SKAP1: variants seen among roughly 807,000 people sequenced by gnomAD.
The protein encoded by SKAP1 is src kinase associated phosphoprotein 1.
SKAP1 carries 44 observed loss-of-function variants against 58.5 expected under a neutral mutation model. That is an observed-to-expected ratio of 0.75 (90% confidence interval 0.59 to 0.97). SKAP1 has a LOEUF of 0.97. Among genes scored for constraint, SKAP1 ranks in the 50% least tolerant of loss-of-function variants. SKAP1 has a pLI of 0.00. For synonymous variants in SKAP1, 127 were observed against 149.7 expected (o/e 0.85, Z 1.11); for missense variants, 390 against 435.2 (o/e 0.90, Z 0.92).
intron 9 of SKAP1, among the ~76,000 whole-genome samples, chr17:48,173,299 T>G (rs1474172534): frequency 6.6e-6 from 1 of 152,148 alleles, no homozygotes; most frequent in Non-Finnish European, 1.5e-5. Flanking sequence ...CCATGTATGA[T>G]CTAGCAGCAG....
intron 11 of SKAP1, among the ~76,000 whole-genome samples, chr17:48,151,477 A>C (rs1471294464): frequency 6.6e-6 from 1 of 152,238 alleles, no homozygotes; most frequent in Non-Finnish European, 1.5e-5. Context: ...AAAAGAAGAC[A>C]CAGTTCAGAG....
chr17:48,391,629 T>C (rs2067346288), intron 2 of SKAP1, among the ~76,000 whole-genome samples: 1 of 152,114 alleles, frequency 6.6e-6, no homozygotes, highest in Non-Finnish European at 1.5e-5. Flanking sequence ...TTGTTGTGGG[T>C]TTGTTTTTTC....
intron 2 of SKAP1, among the ~76,000 whole-genome samples, chr17:48,386,326 G>GTTTT (rs1567893783): frequency 4.6e-4 from 62 of 133,602 alleles, no homozygotes; most frequent in African/African-American, 6.6e-4. Context: ...TTTTTTTTTG[G>GTTTT]TGACTATAAG....
chr17:48,417,059 A>G (rs2067740057), intron 1 of SKAP1, among the ~76,000 whole-genome samples: 1 of 152,250 alleles, frequency 6.6e-6, no homozygotes. Flanking sequence ...TCATTAAGGC[A>G]TATACTTTTT....
upstream of SKAP1, among the ~76,000 whole-genome samples, chr17:48,434,802 G>A (rs1283147112): frequency 2.0e-5 from 3 of 152,110 alleles, no homozygotes; most frequent in Admixed American, 6.6e-5. Flanking sequence ...TACAGCCTAG[G>A]GATCACTGAG....
At chr17:48,176,412 T>C (rs2064290251) in intron 9 of SKAP1, among the ~76,000 whole-genome samples, 2 of 152,232 alleles carry the variant, frequency 1.3e-5, no homozygotes, top group African/African-American at 2.4e-5. Flanking sequence ...TCTTGAATCA[T>C]GGAGCTGGGC....
chr17:48,155,505 A>T (rs2063964046), intron 11 of SKAP1, among the ~76,000 whole-genome samples: 1 of 152,142 alleles, frequency 6.6e-6, no homozygotes, highest in Non-Finnish European at 1.5e-5. Flanking sequence ...GAAAGCTAGG[A>T]CTTGTGACTT....
At chr17:48,277,321 T>A (rs1236844327) in intron 4 of SKAP1, among the ~76,000 whole-genome samples, 1 of 152,214 alleles carries the variant, frequency 6.6e-6, no homozygotes, top group Non-Finnish European at 1.5e-5. Flanking sequence ...ATTTCATACC[T>A]AATCTGTGCT....
At chr17:48,206,215 G>A (rs2064807793) in intron 4 of SKAP1, among the ~76,000 whole-genome samples, 2 of 152,202 alleles carry the variant, frequency 1.3e-5, no homozygotes, top group Admixed American at 1.3e-4. Context: ...CAAGGCATTT[G>A]CCAACTCTAG....
intron 11 of SKAP1, among the ~76,000 whole-genome samples, chr17:48,146,921 G>A (rs983105506): frequency 1.3e-5 from 2 of 152,148 alleles, no homozygotes; most frequent in Admixed American, 6.5e-5. Context: ...GAGCCACTGC[G>A]CCTGGCCAAG....
At chr17:48,378,844 G>A (rs1567890841) in intron 2 of SKAP1, among the ~76,000 whole-genome samples, 1 of 152,196 alleles carries the variant, frequency 6.6e-6, no homozygotes, top group South Asian at 2.1e-4. Flanking sequence ...ATGGAGGTAA[G>A]AAGCAGGAAG....
chr17:48,167,006 A>C (rs1754061084), intron 10 of SKAP1, among the ~76,000 whole-genome samples: 1 of 152,092 alleles, frequency 6.6e-6, no homozygotes, highest in South Asian at 2.1e-4. Flanking sequence ...CTGGGACTAC[A>C]GGTGCATGCC....
At chr17:48,425,783 T>C (rs1029393457) in intron 1 of SKAP1, among the ~76,000 whole-genome samples, 2 of 152,178 alleles carry the variant, frequency 1.3e-5, no homozygotes, top group South Asian at 2.1e-4. Context: ...GTGATAGGCC[T>C]TGGCCTAACA....
intron 4 of SKAP1, among the ~76,000 whole-genome samples, chr17:48,311,650 T>G (rs1430614415): frequency 1.3e-5 from 2 of 152,218 alleles, no homozygotes; most frequent in Non-Finnish European, 2.9e-5. Context: ...AACCAAAGTG[T>G]GAACTGCCCC....
the SKAP1 span, among the ~76,000 whole-genome samples, chr17:48,441,815 T>A: frequency 6.6e-6 from 1 of 152,144 alleles, no homozygotes; most frequent in African/African-American, 2.4e-5. Context: ...GACAGGTAAT[T>A]TAATTGTCTT....
intron 11 of SKAP1, among the ~76,000 whole-genome samples, chr17:48,155,796 G>A (rs1041626666): frequency 2.0e-5 from 3 of 152,214 alleles, no homozygotes; most frequent in African/African-American, 7.2e-5. Flanking sequence ...GGCAGAGGTT[G>A]CAGTGAGCCG....
At chr17:48,226,866 T>C (rs2065074857) in intron 4 of SKAP1, among the ~76,000 whole-genome samples, 1 of 152,194 alleles carries the variant, frequency 6.6e-6, no homozygotes, top group Non-Finnish European at 1.5e-5. Context: ...TCCACCAAGT[T>C]TGAGACATTC....
intron 4 of SKAP1, among the ~76,000 whole-genome samples, chr17:48,305,426 A>G (rs1298945012): frequency 6.6e-6 from 1 of 152,174 alleles, no homozygotes; most frequent in Non-Finnish European, 1.5e-5. Context: ...ACACTATGAT[A>G]TATTTGCGCA....
At chr17:48,416,008 T>C (rs921560391) in intron 1 of SKAP1, among the ~76,000 whole-genome samples, 2 of 152,200 alleles carry the variant, frequency 1.3e-5, no homozygotes, top group Non-Finnish European at 2.9e-5. Flanking sequence ...CTAGGTATAA[T>C]ACTTGAAAAG....
Sources: gnomAD v4.1 joint callset for allele counts (sites outside exome capture counted in the v4.1 genomes callset) on GRCh38, gnomAD v4.1.1 for gene constraint, MANE v1.5 for transcripts, NCBI Gene and HGNC (gene_info 2026-07-23, HGNC 2026-07-21) for gene names.